THADA: variants seen among roughly 807,000 people sequenced by gnomAD.
THADA encodes THADA armadillo repeat containing.
THADA carries 213 observed loss-of-function variants against 219.8 expected under a neutral mutation model. The ratio of observed to expected loss-of-function variants is 0.97; its 90% CI spans 0.87 to 1.09. The LOEUF (loss-of-function observed/expected upper bound fraction) is 1.09, where lower values mean the gene tolerates loss of function less well. Among genes scored for constraint, THADA ranks in the 50% least tolerant of loss-of-function variants. The probability of loss-of-function intolerance (pLI) is 0.00; values close to 1 mark genes in which losing one functional copy is unlikely to be tolerated. For missense variants in THADA, 2,956 were observed against 2,311.3 expected, an observed-to-expected ratio of 1.28 and a Z score of -5.72; for synonymous variants, 1,018 against 828.9, an observed-to-expected ratio of 1.23 and a Z score of -3.92.
chr2:43,469,392 C>T (rs1045489591), intron 26 of THADA, among the ~76,000 whole-genome samples: 11 of 151,668 alleles, frequency 7.3e-5, no homozygotes, highest in African/African-American at 1.7e-4. Flanking sequence ...AAAGCTAAGC[C>T]GAAGAAAATA....
rs757419411 is a variant in THADA at position 43,279,855 on chromosome 2, G to C, written c.5206C>G (p.Leu1736Val). 1.2e-5 allele frequency: 19 copies of C among 1,569,484 alleles called. No homozygotes were observed. The highest frequency in any genetic ancestry group is 2.6e-6 in the Non-Finnish European group (3 of 1,158,468). The change falls in exon 36 of 38, where the codon CTT (leucine) becomes GTT (valine). Residue 1736 changes from leucine to valine, a missense_variant. By Grantham distance (32) the Leu-to-Val change is conservative. Transcript: ENST00000405975. Reference protein sequence around the residue: ...TLALWKCVLTLLQSEEQAVRD... With the variant: ...TLALWKCVLTVLQSEEQAVRD... ...ACAGCTTGCTCCTCACTCTGCAGAA[G>C]GGTAAGGACACACTTCCAGAGAGCA...
At chr2:43,511,858 T>C (rs547845464) in intron 22 of THADA, among the ~76,000 whole-genome samples, 2 of 152,284 alleles carry the variant, frequency 1.3e-5, no homozygotes, top group East Asian at 3.9e-4. Context: ...GAATCTGAAC[T>C]AGACTTTGAA....
intron 26 of THADA, among the ~76,000 whole-genome samples, chr2:43,462,770 C>G (rs1466432610): frequency 6.6e-6 from 1 of 152,016 alleles, no homozygotes; most frequent in Non-Finnish European, 1.5e-5. Flanking sequence ...TGAGGGAGAA[C>G]TCCAAATCAA....
chr2:43,452,948 G>A (rs890909176), intron 26 of THADA, among the ~76,000 whole-genome samples: 4 of 151,914 alleles, frequency 2.6e-5, no homozygotes, highest in Admixed American at 1.3e-4. Context: ...TCTAACTCCC[G>A]TGCAAATCAA....
At chr2:43,264,491 G>A (rs1245821468) in intron 36 of THADA, among the ~76,000 whole-genome samples, 1 of 151,942 alleles carries the variant, frequency 6.6e-6, no homozygotes, top group Non-Finnish European at 1.5e-5. Context: ...CTCCATGTTG[G>A]TCAAGCTGGT....
In THADA at chr2:43,393,967, T is replaced by C. The variant is rs535179542; in HGVS notation, c.4227+4004A>G. On this transcript the variant is annotated intron_variant, in intron 29 of 37. Transcript: ENST00000405975. ...AAGATTTTCTGAACTCCAATATGATTTCTTGAGAGTGATAAGTAACCTAGT... is the reference window on the plus strand; with the variant it reads ...AAGATTTTCTGAACTCCAATATGATCTCTTGAGAGTGATAAGTAACCTAGT... Among the ~76,000 whole-genome samples, 5 of 152,290 alleles carry C rather than the reference T, an allele frequency of 3.3e-5. No homozygotes were observed. The East Asian group carries it at 7.7e-4, about 23-fold the overall frequency.
chr2:43,554,332 T>C (rs1484541656), intron 17 of THADA, among the ~76,000 whole-genome samples: 1 of 152,222 alleles, frequency 6.6e-6, no homozygotes, highest in East Asian at 1.9e-4. Context: ...CATGTACATG[T>C]CCAGTTATAC....
chr2:43,451,950 T>A (rs1682397464), intron 26 of THADA, among the ~76,000 whole-genome samples: 1 of 151,958 alleles, frequency 6.6e-6, no homozygotes, highest in African/African-American at 2.4e-5. Context: ...CTACTAAAAA[T>A]ACAAAAATTA....
chr2:43,377,419 T>C (rs1671505744), intron 29 of THADA, among the ~76,000 whole-genome samples: 1 of 152,008 alleles, frequency 6.6e-6, no homozygotes, highest in Non-Finnish European at 1.5e-5. Flanking sequence ...GTGTTAAATA[T>C]ACCAAGCTCA....
intron 26 of THADA, among the ~76,000 whole-genome samples, chr2:43,460,758 C>A (rs886710548): frequency 6.6e-6 from 1 of 152,176 alleles, no homozygotes; most frequent in East Asian, 1.9e-4. Context: ...GAGCCATAGA[C>A]GTGGTATAAC....
chr2:43,263,003 A>T (rs561614833), intron 36 of THADA, among the ~76,000 whole-genome samples: 10 of 152,228 alleles, frequency 6.6e-5, no homozygotes, highest in South Asian at 4.1e-4. Context: ...TTCCATAGAG[A>T]GCCAAGTCAG....
chr2:43,469,284 G>T (rs1194547329), intron 26 of THADA, among the ~76,000 whole-genome samples: 1 of 152,194 alleles, frequency 6.6e-6, no homozygotes, highest in East Asian at 1.9e-4. Flanking sequence ...ATTTGTTGGG[G>T]TGGGAGAAGT....
At chr2:43,412,515 G>C (rs1275905665) in intron 28 of THADA, among the ~76,000 whole-genome samples, 1 of 152,006 alleles carries the variant, frequency 6.6e-6, no homozygotes, top group Non-Finnish European at 1.5e-5. Context: ...TCAGAGCCTG[G>C]GTAAACTGGT....
chr2:43,590,988 T>C, intron 3 of THADA, 34 bp from the exon 4 acceptor site: 2 of 1,586,090 alleles, frequency 1.3e-6, no homozygotes, highest in South Asian at 1.1e-5. Flanking sequence ...ATTTTTATAA[T>C]ATCAAATATA....
intron 36 of THADA, among the ~76,000 whole-genome samples, chr2:43,262,492 T>A (rs1262893229): frequency 6.6e-6 from 1 of 152,232 alleles, no homozygotes; most frequent in Non-Finnish European, 1.5e-5. Flanking sequence ...TCATATGGAA[T>A]GGACTGCAGT....
At chr2:43,357,334 T>C in intron 29 of THADA, among the ~76,000 whole-genome samples, 1 of 152,134 alleles carries the variant, frequency 6.6e-6, no homozygotes, top group East Asian at 1.9e-4. Flanking sequence ...CTCTCAGTCA[T>C]CACTGGTGGA....
At chr2:43,291,826 C>T (rs367979655) in intron 33 of THADA, 58 bp from the exon 34 acceptor site, 1 of 1,444,746 alleles carries the variant, frequency 6.9e-7, no homozygotes. Context: ...ATATTTCATA[C>T]ACCGGTTTTT....
rs1236085935 is a variant in THADA at position 43,454,398 on chromosome 2, C to T, written c.3837-24096G>A. Among the ~76,000 whole-genome samples the T allele has an allele frequency of 2.0e-5, 3 of 151,970 alleles. No homozygotes were observed. In the East Asian group the frequency reaches 5.8e-4, roughly 29 times the overall value. ...GGAGAATTGCTTGAGTCCAAGAGTT[C>T]AAGACCAGCCTGGGCAACATGGTGA... On this transcript the variant is annotated intron_variant, in intron 26 of 37. Coordinates refer to ENST00000405975, the MANE Select transcript of THADA (RefSeq NM_022065.5).
intron 26 of THADA, among the ~76,000 whole-genome samples, chr2:43,444,712 A>T (rs1336262330): frequency 1.3e-5 from 2 of 152,008 alleles, no homozygotes; most frequent in African/African-American, 4.8e-5. Flanking sequence ...CATCTGGTGA[A>T]ACGTGTTGAA....
Sources: gnomAD v4.1 joint callset for allele counts (sites outside exome capture counted in the v4.1 genomes callset) on GRCh38, gnomAD v4.1.1 for gene constraint, MANE v1.5 for transcripts, NCBI Gene and HGNC (gene_info 2026-07-23, HGNC 2026-07-21) for gene names.